The following ASTE1 variants were observed in gnomAD, a reference collection of about 807,000 sequenced individuals.
ASTE1 encodes asteroid structure-specific endonuclease 1.
In ASTE1, 49 loss-of-function variants were observed where a neutral mutation model predicts 45.8. That is an observed-to-expected ratio of 1.07 (90% CI 0.85 to 1.36). The LOEUF is 1.36. Ranked by LOEUF, ASTE1 falls within the 40% of genes most tolerant of loss-of-function variation. The probability of loss-of-function intolerance (pLI) is 0.00; values close to 1 mark genes in which losing one functional copy is unlikely to be tolerated. For synonymous variants in ASTE1, 296 were observed against 303.9 expected, an observed-to-expected ratio of 0.97 and a Z score of 0.27; for missense variants, 709 against 804.0, an observed-to-expected ratio of 0.88 and a Z score of 1.43.
intron 3 of ASTE1, among the ~76,000 whole-genome samples, chr3:131,019,907 A>G (rs990809988): frequency 6.6e-6 from 1 of 152,232 alleles, no homozygotes; most frequent in African/African-American, 2.4e-5. Flanking sequence ...AAATATGCAA[A>G]GAACTTTATA....
chr3:131,018,699 C>T lies in ASTE1; in HGVS notation c.1320G>A (p.Arg440=). The T allele has an allele frequency of 6.2e-7, 1 of 1,613,906 alleles. No individual in the cohort carries two copies. Among genetic ancestry groups the T allele is most frequent in the Non-Finnish European group, 8.5e-7 (1 of 1,179,984 alleles). ...TCAGGGTTTCTAACAGAAGCATCTG[C>T]CGCCTCCTCAAGGAGAGCTGAAAAT... ...SRLTELSLRR[R]QMLLLETLKV... Residue 440 remains arginine (R), a synonymous_variant, in exon 4 of 6, where the codon CGG becomes CGA. Transcript: ENST00000264992.
chr3:131,016,317 A>C lies in ASTE1; in HGVS notation c.1536T>G (p.Asp512Glu), dbSNP rs780397164. ...NSPGKEELQE[D>E]GAKMLYAEFQ... ...ACTCTGCATACAACATCTTAGCACC[A>C]TCTTCCTGCAGCTCTTCCTTACCTA... The change falls in exon 5 of 6, where the codon GAT becomes GAG. Residue 512 changes from aspartate to glutamate, a missense_variant. By Grantham distance (45) the Asp-to-Glu change is conservative. Coordinates refer to ENST00000264992, the MANE Select transcript of ASTE1 (RefSeq NM_014065.4). 1 of 1,614,196 alleles carries C rather than the reference A, an allele frequency of 6.2e-7. No homozygotes were observed.
intron 4 of ASTE1, chr3:131,016,555 G>A (rs903740225): frequency 6.9e-5 from 41 of 594,040 alleles, no homozygotes; most frequent in South Asian, 8.6e-5. Flanking sequence ...TCAACCCATC[G>A]GAATTTACTT....
At chr3:131,021,110 A>G (rs1230946403) in intron 3 of ASTE1, among the ~76,000 whole-genome samples, 2 of 152,246 alleles carry the variant, frequency 1.3e-5, no homozygotes, top group Non-Finnish European at 2.9e-5. Context: ...AAAAATTTAA[A>G]TTAGAGTATA....
intron 4 of ASTE1, chr3:131,016,936 G>T: frequency 8.5e-7 from 1 of 1,174,370 alleles, no homozygotes; most frequent in Non-Finnish European, 1.1e-6. Flanking sequence ...GTTTGGGCAG[G>T]GGTGCACAAA....
intron 4 of ASTE1, 174 bp from the exon 5 acceptor site, chr3:131,016,513 G>T (rs1425662857): frequency 2.8e-6 from 2 of 720,146 alleles, no homozygotes; most frequent in Non-Finnish European, 4.5e-6. Flanking sequence ...TATTGATACT[G>T]AACTGTCTTT....
chr3:131,016,230 G>A lies in ASTE1; in HGVS notation c.1623C>T (p.Ile541=). Residue 541 remains isoleucine (I), a synonymous_variant, in exon 5 of 6, where the codon ATC becomes ATT. Transcript: ENST00000264992. ...GGAGACAGGACTGCCACTGACAGAA[G>A]ATGTGAGCTGTGTCTAAGTCCAGTC... ...GTRLDLDTAH[I]FCQWQSCLQM... 1 of 1,614,168 alleles carries A rather than the reference G, an allele frequency of 6.2e-7. No homozygotes were observed. Among genetic ancestry groups the A allele is most frequent in the Non-Finnish European group, 8.5e-7 (1 of 1,180,022 alleles).
At chr3:131,016,433 A>T (rs2109080232) in intron 4 of ASTE1, 94 bp from the exon 5 acceptor site, 2 of 1,367,488 alleles carry the variant, frequency 1.5e-6, no homozygotes. Context: ...ATAAAGAAAG[A>T]AATTAATTTA....
At position 131,023,993 on chromosome 3, in the gene ASTE1, A is replaced by G. The variant is rs961648935; in HGVS notation, c.1302+12T>C. The G allele has an allele frequency of 3.8e-6, 6 of 1,563,836 alleles. No individual in the cohort carries two copies. Among genetic ancestry groups the G allele is most frequent in the Non-Finnish European group, 5.2e-6 (6 of 1,155,422 alleles). ...ACTTTACAAAAATTTCATTAGTATT[A>G]CAAATACTTACCTCAGTCAATCTGC... On this transcript the variant is annotated intron_variant, in intron 3 of 5. Coordinates refer to ENST00000264992, the MANE Select transcript of ASTE1 (RefSeq NM_014065.4).
At chr3:131,025,621 T>C in intron 1 of ASTE1, 27 bp from the exon 2 acceptor site, 1 of 312,404 alleles carries the variant, frequency 3.2e-6, no homozygotes, top group East Asian at 6.0e-5. Flanking sequence ...TGAAGTCCAT[T>C]ACTGACACAC....
intron 4 of ASTE1, among the ~76,000 whole-genome samples, chr3:131,017,897 G>C (rs2063678848): frequency 6.7e-6 from 1 of 148,648 alleles, no homozygotes; most frequent in Non-Finnish European, 1.5e-5. Context: ...TGGAACCCAG[G>C]TGGCAGAGGC....
chr3:131,019,750 G>A (rs895099800), intron 3 of ASTE1, among the ~76,000 whole-genome samples: 3 of 152,146 alleles, frequency 2.0e-5, no homozygotes, highest in African/African-American at 4.8e-5. Context: ...AAGAGTGGTT[G>A]ACAGCTGAGA....
At chr3:131,015,889 T>G in intron 5 of ASTE1, 1 of 570,642 alleles carries the variant, frequency 1.8e-6, no homozygotes, top group South Asian at 1.7e-5. Context: ...TATTAATGTA[T>G]TACTTAAAGG....
intron 4 of ASTE1, among the ~76,000 whole-genome samples, chr3:131,017,923 T>C (rs1434252669): frequency 7.7e-6 from 1 of 129,382 alleles, no homozygotes; most frequent in Non-Finnish European, 1.5e-5. Flanking sequence ...TGAGCCAAGA[T>C]TGCACCACTG....
At chr3:131,015,462 T>C (rs1178180281) in intron 5 of ASTE1, among the ~76,000 whole-genome samples, 3 of 152,244 alleles carry the variant, frequency 2.0e-5, no homozygotes, top group African/African-American at 7.2e-5. Flanking sequence ...CACTTCTTTT[T>C]ATCATACCCA....
At chr3:131,020,673 T>C (rs1315976370) in intron 3 of ASTE1, among the ~76,000 whole-genome samples, 1 of 152,262 alleles carries the variant, frequency 6.6e-6, no homozygotes, top group African/African-American at 2.4e-5. Context: ...TCTATACTTG[T>C]ACTTGCATTT....
At chr3:131,019,064 G>C (rs1352452514) in intron 3 of ASTE1, among the ~76,000 whole-genome samples, 2 of 152,190 alleles carry the variant, frequency 1.3e-5, no homozygotes, top group Non-Finnish European at 2.9e-5. Context: ...TGACTAATCT[G>C]AGAGAGAGCC....
Position 131,026,554 on chromosome 3 carries a change from C to G in ASTE1, c.-194G>C, listed in dbSNP as rs1268041709. On this transcript the variant is annotated 5_prime_UTR_variant, in exon 1 of 6. Transcript: ENST00000264992. ...TCCTCCATCAGAAGCCCGCTAGAGC[C>G]CAGCGAGGACTGGCTCCTGCACGTG... The G allele has an allele frequency of 1.3e-5, 2 of 152,322 alleles. No homozygotes were observed. Among genetic ancestry groups the G allele is most frequent in the African/African-American group, 4.8e-5 (2 of 41,446 alleles). 9.4% of individuals were successfully genotyped at this position (152,322 alleles called of 1,614,324 possible).
intron 3 of ASTE1, among the ~76,000 whole-genome samples, chr3:131,022,797 CCTGT>C (rs1351808400): frequency 3.3e-5 from 5 of 152,168 alleles, no homozygotes; most frequent in Non-Finnish European, 7.3e-5. Flanking sequence ...TTCATCTCCT[CCTGT>C]CTGAGATGTG....
Sources: allele counts gnomAD v4.1 joint callset (sites outside exome capture counted in the v4.1 genomes callset), GRCh38; gene constraint gnomAD v4.1.1; transcripts MANE v1.5; gene names NCBI Gene and HGNC (gene_info 2026-07-23, HGNC 2026-07-21).